GULP1: variants seen among roughly 807,000 people sequenced by gnomAD.
The protein encoded by GULP1 is GULP PTB domain containing engulfment adaptor 1, also known as PTB domain-containing engulfment adapter protein 1.
Under a neutral mutation model 40.9 loss-of-function variants are expected in GULP1, and 19 were observed. The observed-to-expected ratio is 0.46, with a 90% CI of 0.32 to 0.68. The LOEUF (loss-of-function observed/expected upper bound fraction) is 0.68, where lower values mean the gene tolerates loss of function less well. GULP1 is among the 30% of genes least tolerant of loss of function. The probability of loss-of-function intolerance (pLI) is 0.03; values close to 1 mark genes in which losing one functional copy is unlikely to be tolerated. For synonymous variants in GULP1, 119 were observed against 117.6 expected (o/e 1.01, Z -0.08); for missense variants, 312 against 362.2 (o/e 0.86, Z 1.12).
At chr2:188,352,366 T>C (rs971600955) in intron 1 of GULP1, among the ~76,000 whole-genome samples, 3 of 152,104 alleles carry the variant, frequency 2.0e-5, no homozygotes, top group African/African-American at 7.2e-5. Flanking sequence ...AGACTTGGAC[T>C]GATGTCTTAC....
At chr2:188,502,536 A>G (rs1454767558) in intron 4 of GULP1, among the ~76,000 whole-genome samples, 1 of 151,922 alleles carries the variant, frequency 6.6e-6, no homozygotes, top group Non-Finnish European at 1.5e-5. Context: ...CTTTTAGTCT[A>G]TAAACCTATG....
At chr2:188,369,730 G>T (rs7592433) in intron 1 of GULP1, among the ~76,000 whole-genome samples, 1 of 152,062 alleles carries the variant, frequency 6.6e-6, no homozygotes, top group Admixed American at 6.5e-5. Flanking sequence ...CATCTGTAAA[G>T]TATCTTATTC....
intron 1 of GULP1, chr2:188,293,259 GCAAT>G (rs947371829): frequency 6.6e-6 from 1 of 152,178 alleles, no homozygotes; most frequent in Non-Finnish European, 1.5e-5. Flanking sequence ...TTACTCATTT[GCAAT>G]CAGACATTTT....
intron 2 of GULP1, among the ~76,000 whole-genome samples, chr2:188,430,214 A>G (rs1464219194): frequency 6.6e-6 from 1 of 152,258 alleles, no homozygotes; most frequent in Admixed American, 6.5e-5. Context: ...GTGTGATAAT[A>G]AAAAGAGCTC....
chr2:188,398,093 T>TA (rs1257095017), intron 2 of GULP1, among the ~76,000 whole-genome samples: 1 of 152,140 alleles, frequency 6.6e-6, no homozygotes, highest in African/African-American at 2.4e-5. Context: ...ATTTAAAAGA[T>TA]ACACACAGAG....
At chr2:188,373,498 G>T (rs780051335) in intron 1 of GULP1, among the ~76,000 whole-genome samples, 1 of 151,844 alleles carries the variant, frequency 6.6e-6, no homozygotes, top group Non-Finnish European at 1.5e-5. Flanking sequence ...AATAAGGTTG[G>T]ATTTACTTTT....
chr2:188,302,884 A>G (rs2036385017), intron 1 of GULP1, among the ~76,000 whole-genome samples: 1 of 151,936 alleles, frequency 6.6e-6, no homozygotes, highest in Non-Finnish European at 1.5e-5. Flanking sequence ...CTGACTAGTA[A>G]TTTTTCTTCC....
chr2:188,577,087 A>G (rs1468479855), intron 9 of GULP1, among the ~76,000 whole-genome samples: 2 of 152,116 alleles, frequency 1.3e-5, no homozygotes, highest in East Asian at 3.9e-4. Flanking sequence ...CTGACTATAG[A>G]AGGTTTTAAC....
At chr2:188,412,858 G>A (rs1370693922) in intron 2 of GULP1, among the ~76,000 whole-genome samples, 1 of 152,144 alleles carries the variant, frequency 6.6e-6, no homozygotes, top group East Asian at 1.9e-4. Context: ...ACTCTTTAGT[G>A]CCTGCTTTGT....
intron 2 of GULP1, among the ~76,000 whole-genome samples, chr2:188,399,551 G>A (rs1038392371): frequency 6.6e-6 from 1 of 151,864 alleles, no homozygotes; most frequent in Non-Finnish European, 1.5e-5. Flanking sequence ...TTTCATAAGT[G>A]TTATTTAAAG....
chr2:188,482,990 C>A (rs1033686126), intron 3 of GULP1, among the ~76,000 whole-genome samples: 2 of 151,848 alleles, frequency 1.3e-5, no homozygotes, highest in African/African-American at 2.4e-5. Context: ...TTTAGAATAA[C>A]TAAATCTTGA....
intron 6 of GULP1, among the ~76,000 whole-genome samples, chr2:188,532,101 A>G (rs905136774): frequency 1.3e-5 from 2 of 152,148 alleles, no homozygotes; most frequent in African/African-American, 4.8e-5. Context: ...CTGATAATAT[A>G]CTTTATGTAT....
At chr2:188,545,756 T>C (rs1361918786) in intron 7 of GULP1, among the ~76,000 whole-genome samples, 1 of 151,918 alleles carries the variant, frequency 6.6e-6, no homozygotes, top group East Asian at 1.9e-4. Flanking sequence ...ATGTAAATGG[T>C]CTAACTACAC....
chr2:188,417,881 C>T (rs1459214158), intron 2 of GULP1, among the ~76,000 whole-genome samples: 4 of 152,168 alleles, frequency 2.6e-5, no homozygotes, highest in African/African-American at 9.7e-5. Flanking sequence ...GCCTCAAACT[C>T]CTGGGCTCAA....
chr2:188,467,560 T>C (rs1318849911), intron 2 of GULP1, among the ~76,000 whole-genome samples: 2 of 152,148 alleles, frequency 1.3e-5, no homozygotes, highest in Non-Finnish European at 2.9e-5. Flanking sequence ...CACTTTATCT[T>C]TGAACTCAGT....
intron 1 of GULP1, among the ~76,000 whole-genome samples, chr2:188,350,048 A>G (rs966688047): frequency 6.6e-6 from 1 of 152,142 alleles, no homozygotes; most frequent in South Asian, 2.1e-4. Flanking sequence ...TGGATTTTCA[A>G]TTCTACTCCA....
chr2:188,370,906 A>G (rs1227213062), intron 1 of GULP1, among the ~76,000 whole-genome samples: 1 of 152,048 alleles, frequency 6.6e-6, no homozygotes, highest in East Asian at 1.9e-4. Context: ...GATTTTTGGC[A>G]GGGTGGAGAT....
intron 4 of GULP1, among the ~76,000 whole-genome samples, chr2:188,514,952 T>C (rs1273405489): frequency 6.6e-6 from 1 of 152,210 alleles, no homozygotes; most frequent in Non-Finnish European, 1.5e-5. Flanking sequence ...AATCCACTCA[T>C]TGCAGGACAA....
rs761243576 is a variant in GULP1, at chr2:188,477,669, G to A, written c.-34G>A. The A allele has an allele frequency of 5.7e-6, 9 of 1,567,352 alleles. No individual in the cohort carries two copies. Among genetic ancestry groups the A allele is most frequent in the Admixed American group, 3.7e-5 (2 of 54,544 alleles). On this transcript the variant is annotated 5_prime_UTR_variant, in exon 3 of 12. The change creates a new upstream start codon in the 5' untranslated region. Transcript: ENST00000409830. Reference sequence around the variant, plus strand: ...TTGTCACTTTTACAGGATTTAAGTCGTGGAACTGAACATTTATTTGGCTGA... The same window carrying A: ...TTGTCACTTTTACAGGATTTAAGTCATGGAACTGAACATTTATTTGGCTGA...
Sources: allele counts gnomAD v4.1 joint callset (sites outside exome capture counted in the v4.1 genomes callset), GRCh38; gene constraint gnomAD v4.1.1; transcripts MANE v1.5; gene names NCBI Gene and HGNC (gene_info 2026-07-23, HGNC 2026-07-21).